The following GLCCI1 variants were observed in gnomAD, a reference collection of about 807,000 sequenced individuals.
GLCCI1 encodes glucocorticoid-induced transcript 1 protein.
In GLCCI1, 24 loss-of-function variants were observed where a neutral mutation model predicts 52.2. That is an observed-to-expected ratio of 0.46 (90% CI 0.33 to 0.65). The LOEUF (loss-of-function observed/expected upper bound fraction) is 0.65, where lower values mean the gene tolerates loss of function less well. Ranked by LOEUF, GLCCI1 falls within the 30% of genes least tolerant of loss-of-function variation. The pLI is 0.02. For missense variants in GLCCI1, 704 were observed against 701.5 expected, an observed-to-expected ratio of 1.00 and a Z score of -0.04; for synonymous variants, 310 against 276.5, an observed-to-expected ratio of 1.12 and a Z score of -1.20.
intron 6 of GLCCI1, among the ~76,000 whole-genome samples, chr7:8,080,630 G>A (rs1208311349): frequency 7.9e-5 from 12 of 151,344 alleles, no homozygotes; most frequent in East Asian, 1.9e-4. Flanking sequence ...TGTATGTACC[G>A]GAGTAGAGTA....
At chr7:8,031,572 A>G (rs1277995945) in intron 3 of GLCCI1, among the ~76,000 whole-genome samples, 1 of 152,142 alleles carries the variant, frequency 6.6e-6, no homozygotes, top group Non-Finnish European at 1.5e-5. Flanking sequence ...TAACATAAAG[A>G]ATAAATGCTC....
chr7:8,050,727 C>A (rs1377097518), intron 3 of GLCCI1, among the ~76,000 whole-genome samples: 1 of 152,152 alleles, frequency 6.6e-6, no homozygotes, highest in Non-Finnish European at 1.5e-5. Flanking sequence ...TTGTTAACTT[C>A]ATTCTTCAGT....
In GLCCI1 at chr7:8,033,298, CAT is replaced by C. The variant is rs370024463; in HGVS notation, c.696+10732_696+10733del. Among the ~76,000 whole-genome samples the C allele has an allele frequency of 3.3e-5, 5 of 152,026 alleles. No homozygotes were observed. The East Asian group carries it at 5.8e-4, about 18-fold the overall frequency. Reference sequence around the variant, plus strand: ...ATTTATGAAAAACCTACAGATTACTCATATTAAATGATAAAACAGAATGCTTT... The same window carrying C: ...ATTTATGAAAAACCTACAGATTACTCATTAAATGATAAAACAGAATGCTTT... On this transcript the variant is annotated intron_variant, in intron 3 of 7. Transcript: ENST00000223145.
intron 1 of GLCCI1, among the ~76,000 whole-genome samples, chr7:7,979,485 T>G (rs1441655672): frequency 2.6e-5 from 4 of 152,186 alleles, no homozygotes; most frequent in Non-Finnish European, 5.9e-5. Flanking sequence ...TGCCACTCTG[T>G]TTATGTGTAT....
At chr7:8,080,877 G>C (rs1171941655) in intron 6 of GLCCI1, among the ~76,000 whole-genome samples, 1 of 131,294 alleles carries the variant, frequency 7.6e-6, no homozygotes, top group Non-Finnish European at 1.6e-5. Context: ...GTTTCCCCAT[G>C]TTGGCCAGGT....
intron 3 of GLCCI1, among the ~76,000 whole-genome samples, chr7:8,032,429 C>T (rs1397787672): frequency 7.3e-5 from 11 of 151,710 alleles, no homozygotes. Flanking sequence ...ACCAATGAAA[C>T]AGAAAAGTAC....
At chr7:7,985,448 G>C (rs1309162626) in intron 1 of GLCCI1, among the ~76,000 whole-genome samples, 9 of 152,018 alleles carry the variant, frequency 5.9e-5, no homozygotes, top group Non-Finnish European at 1.2e-4. Context: ...CTTAGGATTT[G>C]CTCACTTCGT....
chr7:8,012,899 T>C (rs190608658), intron 2 of GLCCI1, among the ~76,000 whole-genome samples: 2 of 152,342 alleles, frequency 1.3e-5, no homozygotes, highest in East Asian at 3.9e-4. Context: ...TATTTTCTTC[T>C]AAGAATTTTA....
chr7:8,000,879 T>C (rs1168075643), intron 1 of GLCCI1, among the ~76,000 whole-genome samples: 1 of 152,224 alleles, frequency 6.6e-6, no homozygotes, highest in African/African-American at 2.4e-5. Flanking sequence ...TTTTTTGCTT[T>C]CCATTTGCTT....
At chr7:7,973,007 C>A (rs1780385189) in intron 1 of GLCCI1, among the ~76,000 whole-genome samples, 1 of 151,970 alleles carries the variant, frequency 6.6e-6, no homozygotes, top group South Asian at 2.1e-4. Context: ...TATTTACATT[C>A]ATTCCTGTAC....
chr7:8,074,803 T>A (rs1376580473), intron 6 of GLCCI1, among the ~76,000 whole-genome samples: 1 of 152,210 alleles, frequency 6.6e-6, no homozygotes, highest in Non-Finnish European at 1.5e-5. Context: ...CTTTTCATCA[T>A]TATGAAAACA....
chr7:7,997,705 A>G (rs1780961592), intron 1 of GLCCI1, among the ~76,000 whole-genome samples: 1 of 152,152 alleles, frequency 6.6e-6, no homozygotes, highest in South Asian at 2.1e-4. Flanking sequence ...AGGCAGGCAG[A>G]TCACCTGAGG....
chr7:8,045,428 T>C (rs1782099048), intron 3 of GLCCI1, among the ~76,000 whole-genome samples: 1 of 152,190 alleles, frequency 6.6e-6, no homozygotes, highest in South Asian at 2.1e-4. Context: ...CTGGAATTGG[T>C]TGTTTTCAAT....
chr7:8,006,430 A>AT (rs1781151508), intron 2 of GLCCI1, among the ~76,000 whole-genome samples: 1 of 152,190 alleles, frequency 6.6e-6, no homozygotes. Flanking sequence ...CACATGTCTG[A>AT]TTTTTTATCT....
chr7:7,969,858 C>T lies in GLCCI1; in HGVS notation c.457+51C>T, dbSNP rs1780304594. 3.0e-6 allele frequency: 4 copies of T among 1,335,426 alleles called. No individual in the cohort carries two copies. Among genetic ancestry groups the T allele is most frequent in the Non-Finnish European group, 2.9e-6 (3 of 1,034,016 alleles). The allele number at this position is 1,335,426 out of a possible 1,614,324, so 82.7% of individuals were successfully genotyped here. A position where few individuals can be genotyped will look rare whatever the true frequency, so the allele number is the denominator to read the frequency against. On this transcript the variant is annotated intron_variant, in intron 1 of 7. Transcript: ENST00000223145. The surrounding 1 kb of genome is among the most constrained non-coding windows in gnomAD (Gnocchi z 4.9). The stretch of plus-strand genomic sequence containing the variant: ...CCCGGGCTGCGTCTCCCCGACGGTG[C>T]CCTCCGTGGAAACTTCAGCCTCTTC...
intron 2 of GLCCI1, among the ~76,000 whole-genome samples, chr7:8,005,789 T>TTTTTG (rs375408858): frequency 6.6e-6 from 1 of 151,938 alleles, no homozygotes; most frequent in East Asian, 1.9e-4. Flanking sequence ...CTAGTTTTTT[T>TTTTTG]TTTGTTTGTT....
Position 8,085,007 on chromosome 7 carries a change from G to C in GLCCI1, c.1288G>C (p.Glu430Gln). The C allele has an allele frequency of 6.2e-7, 1 of 1,614,056 alleles. No individual in the cohort carries two copies. The highest frequency in any genetic ancestry group is 8.5e-7 in the Non-Finnish European group (1 of 1,179,992). Reference sequence around the variant, plus strand: ...GGGATGTGAGCGAGTGAAGGTCTTTGAGGAAATGGCGTAAGTAATGTCTTT... The same window carrying C: ...GGGATGTGAGCGAGTGAAGGTCTTTCAGGAAATGGCGTAAGTAATGTCTTT... ...PEGCERVKVF[E>Q]EMASRQPISA... The change falls in exon 7 of 8, where the codon GAG becomes CAG. Residue 430 changes from glutamate (E) to glutamine (Q), a missense_variant. Glu to Gln is a conservative substitution (Grantham distance 29). Transcript: ENST00000223145.
At chr7:7,998,682 G>A (rs1780994464) in intron 1 of GLCCI1, among the ~76,000 whole-genome samples, 1 of 152,040 alleles carries the variant, frequency 6.6e-6, no homozygotes, top group African/African-American at 2.4e-5. Flanking sequence ...AGGTTTTAAG[G>A]TTCTTATTGC....
At chr7:8,081,420 C>T (rs913517016) in intron 6 of GLCCI1, among the ~76,000 whole-genome samples, 1 of 152,038 alleles carries the variant, frequency 6.6e-6, no homozygotes, top group African/African-American at 2.4e-5. Flanking sequence ...AGACTTAGGG[C>T]TAGAATAGAA....
Sources: allele counts gnomAD v4.1 joint callset (sites outside exome capture counted in the v4.1 genomes callset), GRCh38; gene constraint gnomAD v4.1.1; non-coding constraint Gnocchi (gnomAD v3.1); transcripts MANE v1.5; gene names NCBI Gene and HGNC (gene_info 2026-07-23, HGNC 2026-07-21).